Variants in VAV3 observed in about 807,000 individuals in gnomAD.
The protein encoded by VAV3 is vav guanine nucleotide exchange factor 3.
VAV3 carries 94 observed loss-of-function variants against 131.2 expected under a neutral mutation model. That is an observed-to-expected ratio of 0.72 (90% CI 0.61 to 0.85). VAV3 has a LOEUF of 0.85. VAV3 is among the 40% of genes least tolerant of loss of function. The pLI is 0.00. For missense variants in VAV3, 939 were observed against 1,002.7 expected, an observed-to-expected ratio of 0.94 and a Z score of 0.86; for synonymous variants, 349 against 342.0, an observed-to-expected ratio of 1.02 and a Z score of -0.22.
At chr1:107,706,531 T>C (rs1352535860) in intron 15 of VAV3, among the ~76,000 whole-genome samples, 2 of 152,180 alleles carry the variant, frequency 1.3e-5, no homozygotes, top group African/African-American at 4.8e-5. Context: ...TTATGGACAT[T>C]TCCATGGAGG....
At chr1:107,711,840 C>T (rs1660802204) in intron 15 of VAV3, among the ~76,000 whole-genome samples, 1 of 152,090 alleles carries the variant, frequency 6.6e-6, no homozygotes, top group South Asian at 2.1e-4. Flanking sequence ...CATGCACTAG[C>T]ATGCCTGGCC....
At chr1:107,654,592 C>T (rs1004803479) in intron 19 of VAV3, among the ~76,000 whole-genome samples, 108 of 152,030 alleles carry the variant, frequency 7.1e-4, no homozygotes, top group African/African-American at 2.4e-3. Context: ...ACTACTAACT[C>T]TCTCCCTGAC....
chr1:107,668,422 T>G (rs1370299467), intron 19 of VAV3, among the ~76,000 whole-genome samples: 1 of 152,204 alleles, frequency 6.6e-6, no homozygotes, highest in African/African-American at 2.4e-5. Flanking sequence ...TGTAGCTTCC[T>G]CATCTGTAAA....
intron 20 of VAV3, among the ~76,000 whole-genome samples, chr1:107,634,052 T>C (rs964880494): frequency 2.0e-5 from 3 of 152,154 alleles, no homozygotes; most frequent in African/African-American, 7.2e-5. Context: ...CTGCCCATGG[T>C]AATTTATAGA....
chr1:107,863,059 A>C (rs1201493467), intron 2 of VAV3, among the ~76,000 whole-genome samples: 1 of 152,184 alleles, frequency 6.6e-6, no homozygotes, highest in African/African-American at 2.4e-5. Flanking sequence ...CTCGGTTGTA[A>C]AATATACATA....
At chr1:107,707,864 C>G (rs148130328) in intron 15 of VAV3, among the ~76,000 whole-genome samples, 1 of 152,044 alleles carries the variant, frequency 6.6e-6, no homozygotes, top group African/African-American at 2.4e-5. Flanking sequence ...CAGCAGAAGA[C>G]GACAGAAATG....
intron 2 of VAV3, among the ~76,000 whole-genome samples, chr1:107,799,580 G>A (rs1175327195): frequency 2.0e-5 from 3 of 151,842 alleles, no homozygotes; most frequent in Non-Finnish European, 4.4e-5. Flanking sequence ...TATACTAGAT[G>A]TACATATTTC....
chr1:107,627,010 C>T (rs1444182758), intron 20 of VAV3, among the ~76,000 whole-genome samples: 2 of 152,138 alleles, frequency 1.3e-5, no homozygotes, highest in African/African-American at 4.8e-5. Context: ...TCCTTTTAAT[C>T]TAGGGCAAAG....
intron 9 of VAV3, among the ~76,000 whole-genome samples, chr1:107,763,280 T>A (rs1557830024): frequency 6.6e-6 from 1 of 152,216 alleles, no homozygotes; most frequent in Non-Finnish European, 1.5e-5. Context: ...TGATGTCCTC[T>A]CTTTCCCTAA....
intron 1 of VAV3, among the ~76,000 whole-genome samples, chr1:107,886,765 C>A (rs1253093945): frequency 6.6e-6 from 1 of 152,062 alleles, no homozygotes; most frequent in African/African-American, 2.4e-5. Flanking sequence ...CTCTCCCAAG[C>A]AGCACACCCC....
intron 13 of VAV3, among the ~76,000 whole-genome samples, chr1:107,750,752 TC>T (rs1247650074): frequency 6.6e-6 from 1 of 152,248 alleles, no homozygotes; most frequent in African/African-American, 2.4e-5. Flanking sequence ...CACTTAATCT[TC>T]TTTCTTAGGG....
intron 15 of VAV3, among the ~76,000 whole-genome samples, chr1:107,729,112 C>G (rs543891533): frequency 6.6e-6 from 1 of 152,262 alleles, no homozygotes; most frequent in African/African-American, 2.4e-5. Flanking sequence ...CTTATGACCT[C>G]AGGTATATTT....
intron 20 of VAV3, among the ~76,000 whole-genome samples, chr1:107,628,737 A>AAC (rs1654225642): frequency 6.6e-6 from 1 of 152,216 alleles, no homozygotes; most frequent in Admixed American, 6.5e-5. Context: ...CAATGGTCTA[A>AAC]TATATAGAAC....
chr1:107,891,576 T>C (rs1350468734), intron 1 of VAV3, among the ~76,000 whole-genome samples: 2 of 151,816 alleles, frequency 1.3e-5, no homozygotes, highest in Admixed American at 1.3e-4. Context: ...CGGTAGCTCA[T>C]GCCTGTAAAC....
chr1:107,739,221 T>C (rs1199458333), intron 15 of VAV3, among the ~76,000 whole-genome samples: 1 of 152,194 alleles, frequency 6.6e-6, no homozygotes, highest in East Asian at 1.9e-4. Flanking sequence ...AGCTTGATCC[T>C]CACTAGGCAA....
chr1:107,711,179 G>C (rs990306727), intron 15 of VAV3, among the ~76,000 whole-genome samples: 5 of 152,140 alleles, frequency 3.3e-5, no homozygotes, highest in African/African-American at 1.2e-4. Flanking sequence ...ATATTTAAAA[G>C]TGATAAAACT....
At position 107,760,102 on chromosome 1, in the gene VAV3, C is replaced by T. The variant is rs770982528; in HGVS notation, c.1017+682G>A. 5.9e-5 allele frequency among the ~76,000 whole-genome samples: 9 copies of T among 152,222 alleles called. No homozygotes were observed. The East Asian group carries it at 9.6e-4, about 16-fold the overall frequency. ...TACAAGATATACAAAGCACAGCCGA[C>T]GCAAAATTGTATTTCACATACAGGT... On this transcript the variant is annotated intron_variant, in intron 10 of 26. Coordinates refer to ENST00000370056, the MANE Select transcript of VAV3 (RefSeq NM_006113.5).
At chr1:107,929,103 A>G (rs1181757475) in intron 1 of VAV3, among the ~76,000 whole-genome samples, 2 of 151,944 alleles carry the variant, frequency 1.3e-5, no homozygotes. Context: ...GTGACATGAC[A>G]TATTTAAAGT....
chr1:107,798,300 G>T (rs1471544798), intron 2 of VAV3, among the ~76,000 whole-genome samples: 2 of 152,134 alleles, frequency 1.3e-5, no homozygotes, highest in African/African-American at 4.8e-5. Context: ...CGATGCCTGT[G>T]TAAAAATAGG....
Sources: gnomAD v4.1 joint callset for allele counts (sites outside exome capture counted in the v4.1 genomes callset) on GRCh38, gnomAD v4.1.1 for gene constraint, MANE v1.5 for transcripts, NCBI Gene and HGNC (gene_info 2026-07-23, HGNC 2026-07-21) for gene names.